NFIB: variants seen among roughly 807,000 people sequenced by gnomAD.
NFIB encodes nuclear factor I B, also known as nuclear factor 1 B-type.
A neutral mutation model predicts 61.5 loss-of-function variants in NFIB; 11 were observed. The ratio of observed to expected loss-of-function variants is 0.18; its 90% CI spans 0.11 to 0.30. NFIB has a LOEUF of 0.30. Ranked by LOEUF, NFIB falls within the 10% of genes least tolerant of loss-of-function variation. The pLI, the probability that NFIB is intolerant of heterozygous loss-of-function variation, is 1.00. For missense variants in NFIB, 471 were observed against 608.9 expected, an observed-to-expected ratio of 0.77 and a Z score of 2.38; for synonymous variants, 260 against 216.5, an observed-to-expected ratio of 1.20 and a Z score of -1.76.
intron 7 of NFIB, among the ~76,000 whole-genome samples, chr9:14,125,424 G>A (rs1458209087): frequency 6.6e-6 from 1 of 152,190 alleles, no homozygotes; most frequent in African/African-American, 2.4e-5. Flanking sequence ...CCAAAGTGCT[G>A]GGATTACAGG....
At chr9:14,491,117 A>G in the NFIB span, among the ~76,000 whole-genome samples, 1 of 152,170 alleles carries the variant, frequency 6.6e-6, no homozygotes, top group African/African-American at 2.4e-5. Flanking sequence ...CCAACGATAT[A>G]ATTTTGGACA....
intron 2 of NFIB, among the ~76,000 whole-genome samples, chr9:14,275,440 T>A (rs2057932819): frequency 6.6e-6 from 1 of 152,152 alleles, no homozygotes; most frequent in African/African-American, 2.4e-5. Context: ...TCAGTGCAGT[T>A]GAGGCAAACA....
the NFIB span, among the ~76,000 whole-genome samples, chr9:14,528,701 C>A: frequency 6.6e-6 from 1 of 152,110 alleles, no homozygotes; most frequent in Non-Finnish European, 1.5e-5. Context: ...ACCTGCTACT[C>A]TGAAGTTCCA....
At chr9:14,158,036 G>A (rs576476781) in intron 3 of NFIB, among the ~76,000 whole-genome samples, 8 of 151,062 alleles carry the variant, frequency 5.3e-5, no homozygotes, top group Admixed American at 3.3e-4. Flanking sequence ...ACTTGAACCC[G>A]GAAGGCAGAG....
At chr9:14,091,216 G>A (rs2118554194) in intron 10 of NFIB, among the ~76,000 whole-genome samples, 1 of 151,352 alleles carries the variant, frequency 6.6e-6, no homozygotes, top group South Asian at 2.1e-4. Flanking sequence ...GAACTATAAG[G>A]CACAGACATT....
chr9:14,170,154 T>C (rs1038132708), intron 3 of NFIB, among the ~76,000 whole-genome samples: 1 of 152,180 alleles, frequency 6.6e-6, no homozygotes, highest in Non-Finnish European at 1.5e-5. Context: ...TTCTGCAAAG[T>C]TCAGTGATTT....
chr9:14,531,625 C>T, the NFIB span, among the ~76,000 whole-genome samples: 1 of 151,952 alleles, frequency 6.6e-6, no homozygotes, highest in Non-Finnish European at 1.5e-5. Context: ...TACTGACTGC[C>T]CCACCTCCAT....
intron 2 of NFIB, among the ~76,000 whole-genome samples, chr9:14,237,762 CAGTGTGTGTGTG>C (rs991172792): frequency 1.1e-4 from 12 of 105,896 alleles, no homozygotes; most frequent in Admixed American, 4.7e-4. Flanking sequence ...CTAGGTATAA[CAGTGTGTGTGTG>C]TGTGTGTGTG....
intron 2 of NFIB, among the ~76,000 whole-genome samples, chr9:14,189,860 C>A (rs900175895): frequency 6.6e-6 from 1 of 151,420 alleles, no homozygotes; most frequent in African/African-American, 2.4e-5. Flanking sequence ...AGTTCATCTT[C>A]CTTAAATTAC....
At position 14,120,070 on chromosome 9, in the gene NFIB, T is replaced by A. The variant is rs2038728802; in HGVS notation, c.1245+370A>T. ...GTAAGTTCTTTTGTGTGTGTTTATTTTAGCACATACCTTACTCCTGCCTGA... is the reference window on the plus strand; with the variant it reads ...GTAAGTTCTTTTGTGTGTGTTTATTATAGCACATACCTTACTCCTGCCTGA... On this transcript the variant is annotated intron_variant, in intron 8 of 10. Coordinates refer to ENST00000380953, the MANE Select transcript of NFIB (RefSeq NM_001190737.2). This position sits in a 1 kb window ranked among gnomAD's most constrained non-coding sequence, Gnocchi z 4.4. 6.6e-6 allele frequency among the ~76,000 whole-genome samples: 1 copy of A among 152,210 alleles called. No individual in the cohort carries two copies. The highest frequency in any genetic ancestry group is 2.4e-5 in the African/African-American group (1 of 41,444).
At chr9:14,391,321 T>G (rs1265399146) in intron 1 of NFIB, among the ~76,000 whole-genome samples, 8 of 122,722 alleles carry the variant, frequency 6.5e-5, no homozygotes, top group Admixed American at 5.2e-4. Context: ...ACAAGACCAG[T>G]GCAGGAGATG....
At chr9:14,315,507 C>T (rs2060501213), upstream of NFIB, among the ~76,000 whole-genome samples, 1 of 145,350 alleles carries the variant, frequency 6.9e-6, no homozygotes, top group South Asian at 2.1e-4. Flanking sequence ...CGCCCGGGTG[C>T]AGGCGGGGCG....
chr9:14,497,751 G>A, the NFIB span, among the ~76,000 whole-genome samples: 1 of 152,166 alleles, frequency 6.6e-6, no homozygotes, highest in East Asian at 1.9e-4. Context: ...CCACAGAGGT[G>A]GGTATTTGAT....
chr9:14,263,806 T>C (rs1219200263), intron 2 of NFIB, among the ~76,000 whole-genome samples: 2 of 152,204 alleles, frequency 1.3e-5, no homozygotes, highest in East Asian at 1.9e-4. Flanking sequence ...TGAAAGTATA[T>C]GGCGTAATCC....
chr9:14,530,121 T>C, the NFIB span, among the ~76,000 whole-genome samples: 76 of 152,326 alleles, frequency 5.0e-4, no homozygotes, highest in African/African-American at 1.5e-3. Context: ...AGTAAGAATA[T>C]TGATTTTAAA....
intron 2 of NFIB, among the ~76,000 whole-genome samples, chr9:14,264,570 T>G (rs866036303): frequency 6.6e-6 from 1 of 152,190 alleles, no homozygotes; most frequent in Non-Finnish European, 1.5e-5. Context: ...TTTATCTATC[T>G]GAGGATTACC....
intron 1 of NFIB, among the ~76,000 whole-genome samples, chr9:14,343,273 C>T (rs2060974244): frequency 6.6e-6 from 1 of 152,148 alleles, no homozygotes; most frequent in South Asian, 2.1e-4. Flanking sequence ...GAATTGAAGA[C>T]CTCTACCCCG....
intron 3 of NFIB, among the ~76,000 whole-genome samples, chr9:14,160,831 C>CAAAAAAAAAAAA (rs36063048): frequency 5.2e-5 from 5 of 96,326 alleles, no homozygotes; most frequent in Non-Finnish European, 7.9e-5. Flanking sequence ...AAGGAAATCT[C>CAAAAAAAAAAAA]AAAAAAAAAA....
chr9:14,107,134 A>C (rs2036675546), intron 10 of NFIB, among the ~76,000 whole-genome samples: 2 of 152,060 alleles, frequency 1.3e-5, no homozygotes, highest in South Asian at 2.1e-4. Flanking sequence ...TAAAAGGATT[A>C]ACACTCCAAT....
Sources: allele counts gnomAD v4.1 joint callset (sites outside exome capture counted in the v4.1 genomes callset), GRCh38; gene constraint gnomAD v4.1.1; non-coding constraint Gnocchi (gnomAD v3.1); transcripts MANE v1.5; gene names NCBI Gene and HGNC (gene_info 2026-07-23, HGNC 2026-07-21).